Variants in NPSR1 observed in about 807,000 individuals in gnomAD.
NPSR1 encodes neuropeptide S receptor 1, also known as neuropeptide S receptor.
A neutral mutation model predicts 46.9 loss-of-function variants in NPSR1; 48 were observed. The observed-to-expected ratio is 1.02, with a 90% CI of 0.81 to 1.30. The LOEUF (loss-of-function observed/expected upper bound fraction) is 1.30. Ranked by LOEUF, NPSR1 falls within the 50% of genes most tolerant of loss-of-function variation. The probability of loss-of-function intolerance (pLI) is 0.00; values close to 1 mark genes in which losing one functional copy is unlikely to be tolerated. For missense variants in NPSR1, 450 were observed against 449.5 expected (o/e 1.00, Z -0.01); for synonymous variants, 176 against 168.1 (o/e 1.05, Z -0.36).
At chr7:34,853,213 G>T (rs1165413122), downstream of NPSR1, among the ~76,000 whole-genome samples, 1 of 152,080 alleles carries the variant, frequency 6.6e-6, no homozygotes, top group African/African-American at 2.4e-5. Flanking sequence ...AATCAGAAAA[G>T]GCCACAAGCC....
At chr7:34,796,137 A>G (rs761154006) in intron 3 of NPSR1, among the ~76,000 whole-genome samples, 12 of 152,158 alleles carry the variant, frequency 7.9e-5, no homozygotes, top group Non-Finnish European at 1.0e-4. Context: ...GCAAAATACA[A>G]TGGAGAAAAG....
At chr7:34,791,145 A>T (rs1371606067) in intron 3 of NPSR1, among the ~76,000 whole-genome samples, 2 of 73,932 alleles carry the variant, frequency 2.7e-5, no homozygotes, top group East Asian at 3.5e-4. Context: ...TATTATATAT[A>T]ATATGTTATA....
chr7:34,725,450 T>C (rs531112005), intron 2 of NPSR1, among the ~76,000 whole-genome samples: 1 of 152,326 alleles, frequency 6.6e-6, no homozygotes, highest in East Asian at 1.9e-4. Flanking sequence ...TTGAGGATAC[T>C]GAAGGACAGA....
intron 8 of NPSR1, among the ~76,000 whole-genome samples, chr7:34,854,984 G>A (rs560470063): frequency 6.6e-6 from 1 of 152,090 alleles, no homozygotes; most frequent in South Asian, 2.1e-4. Context: ...AGAGTAAGAG[G>A]ATAACTAGAA....
rs563108572 is a variant in NPSR1 at position 34,786,412 on chromosome 7, C to G, written c.384+7847C>G. Among the ~76,000 whole-genome samples the G allele has an allele frequency of 2.6e-5, 4 of 152,288 alleles. No individual in the cohort carries two copies. The East Asian group carries it at 7.7e-4, about 29-fold the overall frequency. On this transcript the variant is annotated intron_variant, in intron 3 of 8. Coordinates refer to ENST00000360581, the MANE Select transcript of NPSR1 (RefSeq NM_207172.2). Reference sequence around the variant, plus strand: ...TTTCCACCACTTTCGCAGTACCTTTCTCCAGTGAAATCTTGAACCCATCAA... The same window carrying G: ...TTTCCACCACTTTCGCAGTACCTTTGTCCAGTGAAATCTTGAACCCATCAA...
intron 1 of NPSR1, among the ~76,000 whole-genome samples, chr7:34,662,205 C>T (rs955323541): frequency 2.0e-5 from 3 of 152,128 alleles, no homozygotes; most frequent in East Asian, 1.9e-4. Context: ...TTTTATTGCG[C>T]CTCCTTCGGT....
At chr7:34,672,222 G>A (rs1204931973) in intron 1 of NPSR1, among the ~76,000 whole-genome samples, 1 of 152,160 alleles carries the variant, frequency 6.6e-6, no homozygotes, top group African/African-American at 2.4e-5. Flanking sequence ...AGCCCAGTGG[G>A]TTTCCAAATG....
intron 8 of NPSR1, among the ~76,000 whole-genome samples, chr7:34,876,244 A>G (rs193302271): frequency 1.8e-3 from 272 of 152,292 alleles, no homozygotes; most frequent in East Asian, 8.1e-3. Flanking sequence ...TCATGGAGCA[A>G]GATGTCAGGA....
intron 2 of NPSR1, among the ~76,000 whole-genome samples, chr7:34,698,549 A>G (rs1793653151): frequency 6.6e-6 from 1 of 152,222 alleles, no homozygotes; most frequent in Admixed American, 6.5e-5. Flanking sequence ...TCACACATGC[A>G]GGCCAGATTT....
rs545654821 is a variant in NPSR1, at chr7:34,774,023, T to C, written c.281-4439T>C. 5.3e-5 allele frequency among the ~76,000 whole-genome samples: 8 copies of C among 152,320 alleles called. No individual in the cohort carries two copies. The South Asian group carries it at 8.3e-4, about 16-fold the overall frequency. ...GGTCCCTGTCCACACAGCTAGACTA[T>C]TGGCTACTGTGCAGAAACCTATACA... On this transcript the variant is annotated intron_variant, in intron 2 of 8. Transcript: ENST00000360581.
intron 3 of NPSR1, among the ~76,000 whole-genome samples, chr7:34,781,054 G>C (rs970899705): frequency 3.9e-5 from 6 of 152,210 alleles, no homozygotes; most frequent in Non-Finnish European, 4.4e-5. Flanking sequence ...TAGAAGACCA[G>C]GTATATGCCC....
At chr7:34,841,026 G>GA (rs1396012144) in intron 6 of NPSR1, among the ~76,000 whole-genome samples, 2 of 152,136 alleles carry the variant, frequency 1.3e-5, no homozygotes, top group African/African-American at 4.8e-5. Context: ...TGTTCAAAAT[G>GA]AATTTCAAGT....
At chr7:34,732,562 G>T (rs536885066) in intron 2 of NPSR1, among the ~76,000 whole-genome samples, 1 of 152,228 alleles carries the variant, frequency 6.6e-6, no homozygotes, top group South Asian at 2.1e-4. Context: ...CCTGACATGG[G>T]GAAAACTCAT....
intron 3 of NPSR1, among the ~76,000 whole-genome samples, chr7:34,788,209 A>T (rs970891143): frequency 6.6e-6 from 1 of 152,064 alleles, no homozygotes; most frequent in African/African-American, 2.4e-5. Context: ...ATCGCTCGTT[A>T]TAAGACATTC....
At chr7:34,665,480 T>C (rs1384898237) in intron 1 of NPSR1, among the ~76,000 whole-genome samples, 1 of 152,202 alleles carries the variant, frequency 6.6e-6, no homozygotes, top group Non-Finnish European at 1.5e-5. Flanking sequence ...ACCCAAATCC[T>C]TGGGCCTGGC....
At chr7:34,772,766 T>C (rs1786748044) in intron 2 of NPSR1, among the ~76,000 whole-genome samples, 1 of 152,116 alleles carries the variant, frequency 6.6e-6, no homozygotes, top group African/African-American at 2.4e-5. Context: ...ATCCACTAAT[T>C]GTCTGCCATC....
chr7:34,806,596 CA>C (rs1262081861), intron 3 of NPSR1, among the ~76,000 whole-genome samples: 1 of 152,022 alleles, frequency 6.6e-6, no homozygotes, highest in Non-Finnish European at 1.5e-5. Context: ...TAACATTATG[CA>C]ATGGTCAAAA....
intron 1 of NPSR1, among the ~76,000 whole-genome samples, chr7:34,677,107 A>C (rs570253756): frequency 2.0e-5 from 3 of 152,312 alleles, no homozygotes; most frequent in Admixed American, 1.3e-4. Context: ...TTTGATATGC[A>C]GTGTTTGTCA....
At chr7:34,735,041 C>G (rs923338061) in intron 2 of NPSR1, among the ~76,000 whole-genome samples, 4 of 152,130 alleles carry the variant, frequency 2.6e-5, no homozygotes, top group Admixed American at 2.0e-4. Flanking sequence ...ACTACTCTGG[C>G]CAGCCCTAGG....
Sources: allele counts gnomAD v4.1 joint callset (sites outside exome capture counted in the v4.1 genomes callset), GRCh38; gene constraint gnomAD v4.1.1; transcripts MANE v1.5; gene names NCBI Gene and HGNC (gene_info 2026-07-23, HGNC 2026-07-21).